Variants in MAPRE2 observed in about 807,000 individuals in gnomAD.
The protein encoded by MAPRE2 is microtubule associated protein RP/EB family member 2, also known as microtubule-associated protein RP/EB family member 2.
Under a neutral mutation model 43.2 loss-of-function variants are expected in MAPRE2, and 13 were observed. That is an observed-to-expected ratio of 0.30 (90% CI 0.20 to 0.48). The LOEUF (loss-of-function observed/expected upper bound fraction) is 0.48, where lower values mean the gene tolerates loss of function less well. MAPRE2 is among the 20% of genes least tolerant of loss of function. The pLI is 0.99. For synonymous variants in MAPRE2, 135 were observed against 148.8 expected (o/e 0.91, Z 0.68); for missense variants, 161 against 400.2 (o/e 0.40, Z 5.10).
chr18:35,099,600 G>A (rs890005019), intron 3 of MAPRE2, among the ~76,000 whole-genome samples: 1 of 152,328 alleles, frequency 6.6e-6, no homozygotes, highest in Admixed American at 6.5e-5. Context: ...GGGCAACAGA[G>A]TGAGACTCTG....
At chr18:34,985,359 A>AT (rs2097019643) in intron 1 of MAPRE2, among the ~76,000 whole-genome samples, 1 of 39,652 alleles carries the variant, frequency 2.5e-5, no homozygotes, top group Non-Finnish European at 4.1e-5. Context: ...TTATATATAT[A>AT]ATATAATATA....
intron 1 of MAPRE2, among the ~76,000 whole-genome samples, chr18:35,050,759 G>A (rs1905897591): frequency 6.6e-6 from 1 of 152,032 alleles, no homozygotes; most frequent in Non-Finnish European, 1.5e-5. Context: ...CCCACCTTAG[G>A]GAACTTAATT....
chr18:35,004,721 C>T lies in MAPRE2; in HGVS notation c.-69-771C>T, dbSNP rs575747866. Among the ~76,000 whole-genome samples the T allele has an allele frequency of 3.3e-3, 507 of 152,218 alleles. 3 individuals carry two copies. The highest frequency in any genetic ancestry group is 6.8e-3 in the Middle Eastern group (2 of 294). On this transcript the variant is annotated intron_variant, in intron 1 of 7. Transcript: ENST00000413393. ...TCGCGAGGTCAGGAGATCGAGACCACCCTGGCTAACACGGTGAAACACCGT... is the reference window on the plus strand; with the variant it reads ...TCGCGAGGTCAGGAGATCGAGACCATCCTGGCTAACACGGTGAAACACCGT...
intron 2 of MAPRE2, among the ~76,000 whole-genome samples, chr18:35,007,536 AC>A (rs201845878): frequency 0.014 from 2,082 of 152,392 alleles, 45 homozygotes; most frequent in African/African-American, 0.047. Flanking sequence ...CAAAGATAAC[AC>A]ATAAAGAGAT....
intron 4 of MAPRE2, among the ~76,000 whole-genome samples, chr18:35,119,160 A>C (rs1909559693): frequency 6.6e-6 from 1 of 152,030 alleles, no homozygotes; most frequent in Non-Finnish European, 1.5e-5. Context: ...CAAGAGGGGC[A>C]CCTGGCGCTG....
intron 2 of MAPRE2, among the ~76,000 whole-genome samples, chr18:35,018,817 T>G (rs780111307): frequency 2.6e-5 from 4 of 152,036 alleles, no homozygotes; most frequent in Non-Finnish European, 5.9e-5. Flanking sequence ...GGTCTCAATT[T>G]TATTCAGTTC....
rs10633541 is a variant in MAPRE2, at chr18:35,053,008, C to CCACA, written c.122+11358_122+11361dup. 8.6e-4 allele frequency among the ~76,000 whole-genome samples: 49 copies of CCACA among 56,758 alleles called. 1 individual carries two copies. The East Asian group carries it at 9.8e-3, about 11-fold the overall frequency. 37.2% of individuals were successfully genotyped at this position (56,758 alleles called of 152,430 possible). ...TCTTAACTTGAATATAAAGTCCCCC[C>CCACA]CACACACACACACAAAAAGACCTAG... On this transcript the variant is annotated intron_variant, in intron 1 of 6. Coordinates refer to ENST00000300249, the MANE Select transcript of MAPRE2 (RefSeq NM_014268.4).
chr18:35,072,209 A>C (rs1460009315), intron 2 of MAPRE2, among the ~76,000 whole-genome samples: 1 of 152,254 alleles, frequency 6.6e-6, no homozygotes, highest in Non-Finnish European at 1.5e-5. Context: ...GTTATTAGCA[A>C]TCACTTTGTT....
chr18:35,122,618 T>TC (rs1909730612), intron 4 of MAPRE2, among the ~76,000 whole-genome samples: 1 of 152,236 alleles, frequency 6.6e-6, no homozygotes, highest in Admixed American at 6.5e-5. Flanking sequence ...CTGCACTGTG[T>TC]CCCCGTTAGT....
At chr18:34,978,352 C>G in intron 1 of MAPRE2, 1 of 690,278 alleles carries the variant, frequency 1.4e-6, no homozygotes, top group South Asian at 1.7e-5. Flanking sequence ...AACGGAAGAA[C>G]TTCCTTGATT....
intron 4 of MAPRE2, among the ~76,000 whole-genome samples, chr18:35,119,554 A>G (rs1356322587): frequency 1.3e-5 from 2 of 152,230 alleles, no homozygotes; most frequent in Non-Finnish European, 2.9e-5. Context: ...TAATAGGGTT[A>G]TGGCTCAATA....
chr18:35,071,218 A>T (rs894863393), intron 2 of MAPRE2, among the ~76,000 whole-genome samples: 4 of 152,188 alleles, frequency 2.6e-5, no homozygotes, highest in African/African-American at 4.8e-5. Context: ...AGGATGTTTT[A>T]AAAAACGTGC....
chr18:35,008,140 C>G (rs578238784), intron 2 of MAPRE2, among the ~76,000 whole-genome samples: 1 of 152,204 alleles, frequency 6.6e-6, no homozygotes, highest in East Asian at 1.9e-4. Context: ...AAATCTGTTC[C>G]TGCACCACAC....
intron 1 of MAPRE2, among the ~76,000 whole-genome samples, chr18:34,999,528 A>G (rs1016039409): frequency 6.6e-6 from 1 of 152,204 alleles, no homozygotes; most frequent in Non-Finnish European, 1.5e-5. Context: ...ATTTTATTGT[A>G]ACTATCATTT....
intron 1 of MAPRE2, chr18:34,978,463 T>C (rs1251044371): frequency 7.9e-6 from 12 of 1,519,772 alleles, no homozygotes; most frequent in Admixed American, 2.0e-5. Context: ...ACGCAGCACC[T>C]ACTTCTAATC....
At chr18:35,133,731 C>T (rs967949435) in intron 6 of MAPRE2, among the ~76,000 whole-genome samples, 2 of 152,234 alleles carry the variant, frequency 1.3e-5, no homozygotes, top group African/African-American at 4.8e-5. Context: ...TGCAGGAGCA[C>T]TGTCTGACAG....
chr18:35,133,677 G>A (rs990136718), intron 6 of MAPRE2, among the ~76,000 whole-genome samples: 40 of 152,344 alleles, frequency 2.6e-4, no homozygotes, highest in Non-Finnish European at 2.2e-4. Flanking sequence ...GGGAAACCCT[G>A]AGTCTAACCT....
intron 1 of MAPRE2, among the ~76,000 whole-genome samples, chr18:35,052,296 A>G (rs151224526): frequency 5.3e-5 from 8 of 152,342 alleles, no homozygotes; most frequent in African/African-American, 1.4e-4. Flanking sequence ...ATTAGATTAC[A>G]TTTTATATAA....
intron 4 of MAPRE2, among the ~76,000 whole-genome samples, chr18:35,116,953 G>C (rs570298943): frequency 2.2e-4 from 33 of 152,168 alleles, no homozygotes; most frequent in South Asian, 1.0e-3. Context: ...AAAAGTTTAA[G>C]CAGAAGCATG....
Sources: gnomAD v4.1 joint callset for allele counts (sites outside exome capture counted in the v4.1 genomes callset) on GRCh38, gnomAD v4.1.1 for gene constraint, MANE v1.5 for transcripts, NCBI Gene and HGNC (gene_info 2026-07-23, HGNC 2026-07-21) for gene names.